Variants in VTI1A observed in about 807,000 individuals in gnomAD.
VTI1A encodes vesicle transport through interaction with t-SNAREs homolog 1A.
Under a neutral mutation model 34.9 loss-of-function variants are expected in VTI1A, and 22 were observed. That is an observed-to-expected ratio of 0.63 (90% CI 0.45 to 0.90). The LOEUF is 0.90. VTI1A is among the 40% of genes least tolerant of loss of function. The pLI, the probability that VTI1A is intolerant of heterozygous loss-of-function variation, is 0.00. For synonymous variants in VTI1A, 87 were observed against 97.3 expected (o/e 0.89, Z 0.62); for missense variants, 268 against 275.6 (o/e 0.97, Z 0.20).
At chr10:112,753,462 A>G (rs1851173690) in intron 7 of VTI1A, among the ~76,000 whole-genome samples, 1 of 152,190 alleles carries the variant, frequency 6.6e-6, no homozygotes, top group South Asian at 2.1e-4. Flanking sequence ...CTCCTTAAAA[A>G]GAGAGAATTT....
the VTI1A span, among the ~76,000 whole-genome samples, chr10:112,849,436 G>A: frequency 6.6e-6 from 1 of 152,124 alleles, no homozygotes. Flanking sequence ...GGGCAACCTC[G>A]CTCCTTCCTC....
intron 5 of VTI1A, among the ~76,000 whole-genome samples, chr10:112,597,464 T>C (rs10736223): frequency 0.83 from 125,796 of 152,076 alleles, 52,731 homozygotes; most frequent in African/African-American, 0.94. Flanking sequence ...GTGATCTGCC[T>C]GCCTCAGCCT....
At chr10:112,496,725 T>G (rs1051628037) in intron 3 of VTI1A, among the ~76,000 whole-genome samples, 3 of 152,180 alleles carry the variant, frequency 2.0e-5, no homozygotes, top group African/African-American at 7.2e-5. Flanking sequence ...GCACTGCAAT[T>G]TTTCAGTCAG....
chr10:112,652,174 A>G (rs377273314), intron 5 of VTI1A, among the ~76,000 whole-genome samples: 1 of 152,248 alleles, frequency 6.6e-6, no homozygotes, highest in Non-Finnish European at 1.5e-5. Context: ...AACAATGTCT[A>G]AACTTTAGCG....
intron 7 of VTI1A, among the ~76,000 whole-genome samples, chr10:112,732,741 A>G (rs7915292): frequency 1 from 152,326 of 152,332 alleles, 76,160 homozygotes; most frequent in Middle Eastern, 1. Context: ...GCATCAGGAA[A>G]CCCTTTATTC....
chr10:112,504,519 A>T (rs970574277), intron 3 of VTI1A, among the ~76,000 whole-genome samples: 4 of 152,140 alleles, frequency 2.6e-5, no homozygotes, highest in Non-Finnish European at 5.9e-5. Flanking sequence ...TTTATAGCTT[A>T]ATGGTCCCAT....
chr10:112,743,013 CGTGTGTGTGT>C (rs10612255), intron 7 of VTI1A, among the ~76,000 whole-genome samples: 1,581 of 141,976 alleles, frequency 0.011, 12 homozygotes, highest in Middle Eastern at 0.032. Flanking sequence ...GACCTATTCT[CGTGTGTGTGT>C]GTGTGTGTGT....
rs530413170 is a variant in VTI1A, at chr10:112,798,432, A to T, written c.561-16858A>T. On this transcript the variant is annotated intron_variant, in intron 7 of 7. Coordinates refer to ENST00000393077, the MANE Select transcript of VTI1A (RefSeq NM_145206.4). ...GGTCAGATATCACCCTCATCTGTGA[A>T]AATTAAGGCCAGGGAGCTTGAAGGG... 3.3e-5 allele frequency among the ~76,000 whole-genome samples: 5 copies of T among 152,248 alleles called. No individual in the cohort carries two copies. In the South Asian group the frequency reaches 1.0e-3, roughly 32 times the overall value.
intron 5 of VTI1A, among the ~76,000 whole-genome samples, chr10:112,629,551 C>T (rs1029261967): frequency 1.3e-5 from 2 of 152,226 alleles, no homozygotes; most frequent in African/African-American, 2.4e-5. Context: ...TTCTTGTCTC[C>T]AGACTCCTGC....
intron 7 of VTI1A, among the ~76,000 whole-genome samples, chr10:112,743,019 TG>T (rs1850750240): frequency 7.7e-6 from 1 of 130,572 alleles, no homozygotes; most frequent in Non-Finnish European, 1.7e-5. Context: ...TTCTCGTGTG[TG>T]TGTGTGTGTG....
At chr10:112,680,770 C>T (rs1296740199) in intron 7 of VTI1A, among the ~76,000 whole-genome samples, 2 of 152,308 alleles carry the variant, frequency 1.3e-5, no homozygotes, top group East Asian at 1.9e-4. Context: ...TAAGACTTCA[C>T]AGAGGAGATG....
At chr10:112,814,531 G>A (rs1004011418) in intron 7 of VTI1A, among the ~76,000 whole-genome samples, 2 of 152,142 alleles carry the variant, frequency 1.3e-5, no homozygotes, top group African/African-American at 2.4e-5. Context: ...CTGGGAGCGT[G>A]TGTCTCCACT....
chr10:112,672,470 G>A (rs976186275), intron 7 of VTI1A, among the ~76,000 whole-genome samples: 3 of 152,128 alleles, frequency 2.0e-5, no homozygotes, highest in South Asian at 2.1e-4. Context: ...GAGCCATCCA[G>A]GGACAAACTG....
At chr10:112,578,344 G>A (rs893280988) in intron 5 of VTI1A, among the ~76,000 whole-genome samples, 1 of 152,124 alleles carries the variant, frequency 6.6e-6, no homozygotes, top group African/African-American at 2.4e-5. Flanking sequence ...GGGAGAGTTA[G>A]GAGAAACCCT....
chr10:112,751,352 C>G (rs1851096688), intron 7 of VTI1A, among the ~76,000 whole-genome samples: 1 of 151,972 alleles, frequency 6.6e-6, no homozygotes, highest in African/African-American at 2.4e-5. Context: ...GGGAGTAGAC[C>G]ACCGCCATTT....
At chr10:112,819,857 T>G (rs1455321327), downstream of VTI1A, among the ~76,000 whole-genome samples, 1 of 152,218 alleles carries the variant, frequency 6.6e-6, no homozygotes, top group African/African-American at 2.4e-5. Context: ...GAGGCCCGGT[T>G]CATTGACACT....
At chr10:112,513,339 CT>C (rs1849676460) in intron 3 of VTI1A, among the ~76,000 whole-genome samples, 1 of 151,804 alleles carries the variant, frequency 6.6e-6, no homozygotes, top group African/African-American at 2.4e-5. Context: ...TTTGTATTAG[CT>C]TGTTATTAGT....
intron 7 of VTI1A, among the ~76,000 whole-genome samples, chr10:112,794,712 A>G (rs1427971038): frequency 6.6e-6 from 1 of 152,146 alleles, no homozygotes; most frequent in Non-Finnish European, 1.5e-5. Flanking sequence ...TATACGTACT[A>G]TTTGTAACCC....
chr10:112,457,390 T>A (rs1299115748), intron 1 of VTI1A, among the ~76,000 whole-genome samples: 1 of 152,238 alleles, frequency 6.6e-6, no homozygotes, highest in Non-Finnish European at 1.5e-5. Flanking sequence ...TAAAGATGAC[T>A]GAGACATGGT....
Sources: allele counts gnomAD v4.1 joint callset (sites outside exome capture counted in the v4.1 genomes callset), GRCh38; gene constraint gnomAD v4.1.1; transcripts MANE v1.5; gene names NCBI Gene and HGNC (gene_info 2026-07-23, HGNC 2026-07-21).